The following PTPRD variants were observed in gnomAD, a reference collection of about 807,000 sequenced individuals.
The protein encoded by PTPRD is receptor-type tyrosine-protein phosphatase delta.
Under a neutral mutation model 214.5 loss-of-function variants are expected in PTPRD, and 34 were observed. That is an observed-to-expected ratio of 0.16 (90% CI 0.12 to 0.21). PTPRD has a LOEUF of 0.21. Ranked by LOEUF, PTPRD falls within the 10% of genes least tolerant of loss-of-function variation. The probability of loss-of-function intolerance (pLI) is 1.00; values close to 1 mark genes in which losing one functional copy is unlikely to be tolerated. For synonymous variants in PTPRD, 1,128 were observed against 845.7 expected, an observed-to-expected ratio of 1.33 and a Z score of -5.79; for missense variants, 2,545 against 2,398.7, an observed-to-expected ratio of 1.06 and a Z score of -1.27.
chr9:10,032,137 G>A (rs371748788), intron 4 of PTPRD, among the ~76,000 whole-genome samples: 1 of 152,142 alleles, frequency 6.6e-6, no homozygotes, highest in Non-Finnish European at 1.5e-5. Context: ...CTCAAAGGAA[G>A]TTATCTGATA....
At chr9:8,787,572 T>G (rs1404153646) in intron 11 of PTPRD, among the ~76,000 whole-genome samples, 1 of 152,210 alleles carries the variant, frequency 6.6e-6, no homozygotes, top group Non-Finnish European at 1.5e-5. Context: ...TAGATCCATC[T>G]GGATCTTTCT....
intron 2 of PTPRD, among the ~76,000 whole-genome samples, chr9:10,534,449 G>A (rs1285070032): frequency 2.0e-5 from 3 of 151,982 alleles, no homozygotes; most frequent in African/African-American, 7.2e-5. Context: ...TTTGGTGTTT[G>A]ACTTTTCTAA....
chr9:10,581,580 C>T (rs982612900), intron 2 of PTPRD, among the ~76,000 whole-genome samples: 13 of 152,088 alleles, frequency 8.5e-5, no homozygotes, highest in Non-Finnish European at 1.9e-4. Flanking sequence ...ATGCTATTCC[C>T]AATGATAGTT....
intron 5 of PTPRD, among the ~76,000 whole-genome samples, chr9:9,930,636 A>C: frequency 6.6e-6 from 1 of 152,152 alleles, no homozygotes; most frequent in East Asian, 1.9e-4. Flanking sequence ...CAGTATTTTA[A>C]AGTTTAAGTA....
chr9:9,587,107 G>T (rs1290419389), intron 7 of PTPRD, among the ~76,000 whole-genome samples: 1 of 151,820 alleles, frequency 6.6e-6, no homozygotes, highest in East Asian at 1.9e-4. Context: ...GTAAAGAGGG[G>T]AGACAAAAAA....
intron 4 of PTPRD, among the ~76,000 whole-genome samples, chr9:9,986,753 A>G (rs2154073230): frequency 6.6e-6 from 1 of 152,300 alleles, no homozygotes; most frequent in African/African-American, 2.4e-5. Context: ...CACTTTTGTG[A>G]TTGAAATACT....
rs2098331708 is a variant in PTPRD at position 10,405,043 on chromosome 9, C to A, written c.-599-64026G>T. Among the ~76,000 whole-genome samples the A allele has an allele frequency of 2.8e-4, 2 of 7,118 alleles. 1 individual carries two copies. Among genetic ancestry groups the A allele is most frequent in the African/African-American group, 5.0e-4 (2 of 4,000 alleles). The allele number at this position is 7,118 out of a possible 152,430, so 4.7% of individuals were successfully genotyped here. On this transcript the variant is annotated intron_variant, in intron 2 of 45. Coordinates refer to ENST00000381196, the MANE Select transcript of PTPRD (RefSeq NM_002839.4). ...TCAGACTGATGTAATTTCATCCCTT[C>A]TTGCTTGTGAACAATCAGAAGAGCA...
intron 3 of PTPRD, among the ~76,000 whole-genome samples, chr9:10,262,307 G>C (rs769873952): frequency 1.3e-5 from 2 of 152,132 alleles, no homozygotes; most frequent in Non-Finnish European, 2.9e-5. Context: ...TACCATTTTT[G>C]AGCATATATT....
At chr9:9,205,020 A>G (rs1040343298) in intron 9 of PTPRD, among the ~76,000 whole-genome samples, 2 of 152,152 alleles carry the variant, frequency 1.3e-5, no homozygotes, top group African/African-American at 4.8e-5. Context: ...AGCTTTGCAG[A>G]TCTCTAGGGG....
chr9:10,093,618 T>C (rs902639377), intron 3 of PTPRD, among the ~76,000 whole-genome samples: 3 of 151,544 alleles, frequency 2.0e-5, no homozygotes, highest in African/African-American at 7.3e-5. Flanking sequence ...AAATACATTG[T>C]TCTATCAAAA....
intron 35 of PTPRD, among the ~76,000 whole-genome samples, chr9:8,409,623 T>C (rs1419992721): frequency 6.6e-6 from 1 of 152,178 alleles, no homozygotes; most frequent in East Asian, 1.9e-4. Context: ...CCTTTAATCA[T>C]TCTGCAAAAT....
chr9:9,949,253 C>T (rs1459091012), intron 4 of PTPRD, among the ~76,000 whole-genome samples: 1 of 152,002 alleles, frequency 6.6e-6, no homozygotes, highest in East Asian at 1.9e-4. Context: ...TTTCTAAACA[C>T]TTTTTAGAGA....
intron 10 of PTPRD, among the ~76,000 whole-genome samples, chr9:9,109,512 C>G (rs959286098): frequency 6.6e-6 from 1 of 152,058 alleles, no homozygotes; most frequent in Admixed American, 6.6e-5. Flanking sequence ...GAAAATGTAC[C>G]CAAAGCATTT....
At chr9:10,052,441 A>C (rs955507878) in intron 3 of PTPRD, among the ~76,000 whole-genome samples, 8 of 152,082 alleles carry the variant, frequency 5.3e-5, no homozygotes, top group African/African-American at 1.9e-4. Context: ...TTCAACTGTA[A>C]CTTGAAAATA....
intron 4 of PTPRD, among the ~76,000 whole-genome samples, chr9:9,978,071 T>G (rs1043560356): frequency 6.6e-6 from 1 of 151,882 alleles, no homozygotes; most frequent in Non-Finnish European, 1.5e-5. Flanking sequence ...TAGCTGATAT[T>G]GTAGAGCAAC....
chr9:10,218,393 T>C (rs2099551260), intron 3 of PTPRD, among the ~76,000 whole-genome samples: 1 of 151,968 alleles, frequency 6.6e-6, no homozygotes, highest in Non-Finnish European at 1.5e-5. Flanking sequence ...ATATAGTTTT[T>C]AGAATAAAAT....
In PTPRD at chr9:10,447,994, G is replaced by A. The variant is rs191636446; in HGVS notation, c.-599-106977C>T. ...ATAGTCCCCATTATAATCACTGTGT[G>A]TGAGTGTGTGTGTTTGTGTGTATAA... On this transcript the variant is annotated intron_variant, in intron 2 of 45. Transcript: ENST00000381196. Among the ~76,000 whole-genome samples the A allele has an allele frequency of 1.5e-3, 220 of 147,918 alleles. 3 individuals are homozygous for A. The highest frequency in any genetic ancestry group is 4.9e-3 in the African/African-American group (185 of 37,656).
At chr9:9,076,961 AT>A (rs1408836035) in intron 10 of PTPRD, among the ~76,000 whole-genome samples, 1 of 151,944 alleles carries the variant, frequency 6.6e-6, no homozygotes, top group East Asian at 1.9e-4. Flanking sequence ...CCTTGGTAGA[AT>A]TTGCTGTTGC....
intron 10 of PTPRD, among the ~76,000 whole-genome samples, chr9:9,036,726 A>T (rs1431562693): frequency 6.6e-6 from 1 of 152,126 alleles, no homozygotes; most frequent in Non-Finnish European, 1.5e-5. Flanking sequence ...TAATATTAAG[A>T]TTATATTTAA....
Sources: gnomAD v4.1 joint callset for allele counts (sites outside exome capture counted in the v4.1 genomes callset) on GRCh38, gnomAD v4.1.1 for gene constraint, MANE v1.5 for transcripts, NCBI Gene and HGNC (gene_info 2026-07-23, HGNC 2026-07-21) for gene names.